BCLAF1: variants seen among roughly 807,000 people sequenced by gnomAD.
The protein encoded by BCLAF1 is bcl-2-associated transcription factor 1.
Under a neutral mutation model 99.5 loss-of-function variants are expected in BCLAF1, and 10 were observed. The ratio of observed to expected loss-of-function variants is 0.10; its 90% confidence interval spans 0.06 to 0.17. The LOEUF (loss-of-function observed/expected upper bound fraction) is 0.17, where lower values mean the gene tolerates loss of function less well. Ranked by LOEUF, BCLAF1 falls within the 10% of genes least tolerant of loss-of-function variation. The pLI is 1.00. For missense variants in BCLAF1, 636 were observed against 1,105.8 expected, an observed-to-expected ratio of 0.58 and a Z score of 6.02; for synonymous variants, 255 against 370.9, an observed-to-expected ratio of 0.69 and a Z score of 3.59.
intron 1 of BCLAF1, among the ~76,000 whole-genome samples, chr6:136,289,093 C>A (rs1172795747): frequency 6.6e-6 from 1 of 152,200 alleles, no homozygotes; most frequent in Non-Finnish European, 1.5e-5. Flanking sequence ...AGAGGCAGAA[C>A]AGAGCACTAA....
intron 10 of BCLAF1, among the ~76,000 whole-genome samples, chr6:136,267,827 T>G (rs1235482931): frequency 6.6e-6 from 1 of 151,970 alleles, no homozygotes; most frequent in Non-Finnish European, 1.5e-5. Context: ...GGGGTTTTAT[T>G]AAGGCGTTAA....
At chr6:136,261,561 C>A in intron 11 of BCLAF1, 84 bp from the exon 12 acceptor site, 7 of 1,382,106 alleles carry the variant, frequency 5.1e-6, no homozygotes, top group Non-Finnish European at 7.0e-6. Flanking sequence ...CAGTATTAAT[C>A]TTCTGAAGAT....
At chr6:136,280,410 C>T (rs1731080032) in intron 2 of BCLAF1, among the ~76,000 whole-genome samples, 1 of 152,044 alleles carries the variant, frequency 6.6e-6, no homozygotes, top group African/African-American at 2.4e-5. Flanking sequence ...AGATAGTATC[C>T]TAGAACAATA....
At chr6:136,285,444 T>A (rs1299435972) in intron 1 of BCLAF1, among the ~76,000 whole-genome samples, 1 of 152,134 alleles carries the variant, frequency 6.6e-6, no homozygotes, top group Non-Finnish European at 1.5e-5. Context: ...GGAGTGTAAA[T>A]GGTTAATCCA....
Position 136,257,583 on chromosome 6 carries a change from A to G in BCLAF1, c.*3527T>C, listed in dbSNP as rs1169815272. 1 of 152,180 alleles carries G rather than the reference A, an allele frequency of 6.6e-6. No homozygotes were observed. Among genetic ancestry groups the G allele is most frequent in the Non-Finnish European group, 1.5e-5 (1 of 67,990 alleles). The allele number at this position is 152,180 out of a possible 1,614,324, so 9.4% of individuals were successfully genotyped here. Reference sequence around the variant, plus strand: ...TTAAACTTCATTAGGACAGTGTACTAATTTTTAGTATCTACCCCAATAAAA... The same window carrying G: ...TTAAACTTCATTAGGACAGTGTACTGATTTTTAGTATCTACCCCAATAAAA... On this transcript the variant is annotated 3_prime_UTR_variant, in exon 13 of 13. Transcript: ENST00000531224.
intron 10 of BCLAF1, among the ~76,000 whole-genome samples, chr6:136,267,830 G>A (rs1277789892): frequency 2.6e-5 from 4 of 151,858 alleles, no homozygotes; most frequent in Non-Finnish European, 5.9e-5. Flanking sequence ...GTTTTATTAA[G>A]GCGTTAAGGT....
intron 11 of BCLAF1, among the ~76,000 whole-genome samples, chr6:136,263,065 C>T (rs1781238138): frequency 6.6e-6 from 1 of 152,152 alleles, no homozygotes; most frequent in South Asian, 2.1e-4. Flanking sequence ...ATGGATCTGG[C>T]CCTGTTCTGA....
At chr6:136,286,191 T>C (rs1785105995) in intron 1 of BCLAF1, among the ~76,000 whole-genome samples, 2 of 152,234 alleles carry the variant, frequency 1.3e-5, no homozygotes, top group South Asian at 4.1e-4. Context: ...ATTTCAAGCA[T>C]ACTTGATCCC....
rs544323344 is a variant in BCLAF1 at position 136,258,936 on chromosome 6, A to G, written c.*2174T>C. On this transcript the variant is annotated 3_prime_UTR_variant, in exon 13 of 13. Coordinates refer to ENST00000531224, the MANE Select transcript of BCLAF1 (RefSeq NM_014739.3). Reference sequence around the variant, plus strand: ...TTTATTGCCCCTCTCTAGGCAAAACAAAGTATGTTAACGCAGGTATCAGTG... The same window carrying G: ...TTTATTGCCCCTCTCTAGGCAAAACGAAGTATGTTAACGCAGGTATCAGTG... The G allele has an allele frequency of 4.6e-5, 7 of 152,582 alleles. 1 individual carries two copies. Among genetic ancestry groups the G allele is most frequent in the African/African-American group, 1.4e-4 (6 of 41,564 alleles). The allele number at this position is 152,582 out of a possible 1,614,324, so 9.5% of individuals were successfully genotyped here. A position where few individuals can be genotyped will look rare whatever the true frequency, so the allele number is the denominator to read the frequency against.
At chr6:136,285,057 AG>A (rs1378711156) in intron 1 of BCLAF1, among the ~76,000 whole-genome samples, 3 of 152,186 alleles carry the variant, frequency 2.0e-5, no homozygotes, top group Non-Finnish European at 4.4e-5. Context: ...CAAGGAGTTG[AG>A]GGTATGAAAT....
At position 136,287,145 on chromosome 6, in the gene BCLAF1, A is replaced by G. The variant is rs146948915; in HGVS notation, c.-115+2568T>C. Among the ~76,000 whole-genome samples, 742 of 151,778 alleles carry G rather than the reference A, an allele frequency of 4.9e-3. 1 individual carries two copies. The highest frequency in any genetic ancestry group is 0.017 in the African/African-American group (708 of 41,392). On this transcript the variant is annotated intron_variant, in intron 1 of 12. Transcript: ENST00000531224. ...ACAGAGCAAGACTGTGTCTCAAGAA[A>G]AAAAAAAAAAATTAGCAGGACATGG... is the stretch of plus-strand genomic sequence containing the variant.
At chr6:136,288,901 G>A (rs3799402) in intron 1 of BCLAF1, among the ~76,000 whole-genome samples, 1 of 152,204 alleles carries the variant, frequency 6.6e-6, no homozygotes, top group African/African-American at 2.4e-5. Context: ...TAGTACTCAT[G>A]AAGAACCGCA....
intron 8 of BCLAF1, 29 bp downstream of exon 8, chr6:136,271,966 A>AC (rs1562243195): frequency 6.6e-7 from 1 of 1,522,454 alleles, no homozygotes; most frequent in East Asian, 2.3e-5. Context: ...TGAACTTAAC[A>AC]CGAAAAAAAA....
intron 1 of BCLAF1, among the ~76,000 whole-genome samples, chr6:136,288,909 G>A (rs1359017532): frequency 1.3e-5 from 2 of 152,144 alleles, no homozygotes; most frequent in Non-Finnish European, 2.9e-5. Context: ...ATGAAGAACC[G>A]CACTTTCAGC....
chr6:136,284,630 T>G (rs1388858421), intron 1 of BCLAF1, among the ~76,000 whole-genome samples: 1 of 152,184 alleles, frequency 6.6e-6, no homozygotes, highest in Admixed American at 6.5e-5. Flanking sequence ...GAGCTACATA[T>G]TAATCCCATC....
intron 9 of BCLAF1, 25 bp from the exon 10 acceptor site, chr6:136,268,364 T>A: frequency 6.4e-7 from 1 of 1,564,590 alleles, no homozygotes; most frequent in Non-Finnish European, 8.7e-7. Context: ...AAACAAAAAA[T>A]GTGATACTTT....
chr6:136,272,694 G>A (rs1292991770), intron 7 of BCLAF1, among the ~76,000 whole-genome samples: 4 of 151,916 alleles, frequency 2.6e-5, no homozygotes, highest in East Asian at 1.9e-4. Context: ...GACAAAGTCA[G>A]GATTTCAACA....
Position 136,267,046 on chromosome 6 carries a change from T to C in BCLAF1, c.2527A>G (p.Ser843Gly). Residue 843 changes from serine to glycine, a missense_variant, in exon 11 of 13, where the codon AGC becomes GGC. Ser to Gly is a moderately conservative substitution (Grantham distance 56, BLOSUM62 0). This residue lies in a region of BCLAF1 where 57 missense variants were observed against 116.7 expected (regional missense o/e 0.49). Coordinates refer to ENST00000531224, the MANE Select transcript of BCLAF1 (RefSeq NM_014739.3). ...EEWDPEYTPKSKKYFLHDDRD... is the reference protein window; with the variant it reads ...EEWDPEYTPKGKKYFLHDDRD... ...ACACCCACCAAGAAGTACTTCTTGC[T>C]CTTTGGGGTATATTCTGGATCCCAT... 6.2e-7 allele frequency: 1 copy of C among 1,613,110 alleles called. No individual in the cohort carries two copies. The highest frequency in any genetic ancestry group is 8.5e-7 in the Non-Finnish European group (1 of 1,179,286).
rs114861715 is a variant in BCLAF1 at position 136,281,856 on chromosome 6, A to G, written c.-11+728T>C. 8.5e-3 allele frequency among the ~76,000 whole-genome samples: 1,296 copies of G among 152,348 alleles called. 19 individuals carry two copies. Among genetic ancestry groups the G allele is most frequent in the African/African-American group, 0.029 (1,198 of 41,578 alleles). ...CACGAGCACAACAGGTATTTAATAA[A>G]TAACTATAAAATGAATGCATTCCCC... On this transcript the variant is annotated intron_variant, in intron 2 of 12. Transcript: ENST00000531224.
Sources: gnomAD v4.1 joint callset for allele counts (sites outside exome capture counted in the v4.1 genomes callset) on GRCh38, gnomAD v4.1.1 for gene constraint, gnomAD v4.1.1 regional missense constraint, MANE v1.5 for transcripts, NCBI Gene and HGNC (gene_info 2026-07-23, HGNC 2026-07-21) for gene names.